Variants in FAM171B observed in about 807,000 individuals in gnomAD.
The protein encoded by FAM171B is protein FAM171B.
In FAM171B, 19 loss-of-function variants were observed where a neutral mutation model predicts 75.6. The ratio of observed to expected loss-of-function variants is 0.25; its 90% CI spans 0.18 to 0.37. The LOEUF (loss-of-function observed/expected upper bound fraction) is 0.37, where lower values mean the gene tolerates loss of function less well. FAM171B is among the 10% of genes least tolerant of loss of function. The pLI is 1.00. For missense variants in FAM171B, 848 were observed against 982.4 expected (o/e 0.86, Z 1.83); for synonymous variants, 367 against 361.7 (o/e 1.01, Z -0.17).
intron 1 of FAM171B, among the ~76,000 whole-genome samples, chr2:186,707,960 G>T (rs1325425534): frequency 2.6e-5 from 4 of 151,806 alleles, no homozygotes; most frequent in Non-Finnish European, 4.4e-5. Flanking sequence ...CTAGGCATCT[G>T]TTCCATATTT....
chr2:186,725,712 C>T (rs993489291), intron 1 of FAM171B, among the ~76,000 whole-genome samples: 6 of 152,200 alleles, frequency 3.9e-5, no homozygotes, highest in Non-Finnish European at 8.8e-5. Context: ...CTTGAGCTTT[C>T]CTCACTGGGC....
At chr2:186,715,983 T>C (rs931034966) in intron 1 of FAM171B, among the ~76,000 whole-genome samples, 1 of 152,202 alleles carries the variant, frequency 6.6e-6, no homozygotes, top group African/African-American at 2.4e-5. Flanking sequence ...AGCTTTTTGC[T>C]CTGTTTGCTT....
chr2:186,710,311 G>A (rs1422385921), intron 1 of FAM171B, among the ~76,000 whole-genome samples: 6 of 152,178 alleles, frequency 3.9e-5, no homozygotes, highest in Admixed American at 2.6e-4. Flanking sequence ...TAGAGACTAA[G>A]CGGGAGATTA....
chr2:186,747,538 G>GA (rs1393339864), intron 4 of FAM171B, among the ~76,000 whole-genome samples: 4 of 151,878 alleles, frequency 2.6e-5, no homozygotes, highest in African/African-American at 7.2e-5. Flanking sequence ...GTAAGGTATA[G>GA]AAAATAGTTA....
chr2:186,718,832 AATGTGTATTGCAC>A (rs1360651974), intron 1 of FAM171B, among the ~76,000 whole-genome samples: 1 of 152,242 alleles, frequency 6.6e-6, no homozygotes, highest in Non-Finnish European at 1.5e-5. Context: ...TTTTGTACGA[AATGTGTATTGCAC>A]ATGTGTTGTG....
chr2:186,743,476 T>C lies in FAM171B; in HGVS notation c.473-7T>C, dbSNP rs1404817266. On this transcript the variant is annotated splice_polypyrimidine_tract_variant and splice_region_variant and intron_variant, in intron 2 of 7. Coordinates refer to ENST00000304698, the MANE Select transcript of FAM171B (RefSeq NM_177454.4). The stretch of plus-strand genomic sequence containing the variant: ...GTAAAATATTCTAATTGTGCTATAT[T>C]TCACAGTATATTCATCAGTTACACT... 6.3e-7 allele frequency: 1 copy of C among 1,588,538 alleles called. No individual in the cohort carries two copies. Among genetic ancestry groups the C allele is most frequent in the Admixed American group, 1.7e-5 (1 of 59,718 alleles).
chr2:186,731,225 A>G lies in FAM171B; in HGVS notation c.239-9003A>G, dbSNP rs1454208707. Among the ~76,000 whole-genome samples, 8 of 152,258 alleles carry G rather than the reference A, an allele frequency of 5.3e-5. No individual in the cohort carries two copies. In the East Asian group the frequency reaches 1.5e-3, roughly 29 times the overall value. On this transcript the variant is annotated intron_variant, in intron 1 of 7. Coordinates refer to ENST00000304698, the MANE Select transcript of FAM171B (RefSeq NM_177454.4). Reference sequence around the variant, plus strand: ...TATTTAATGTGCTTACTTAAGGAGCAAGCAACAGAAACAAACTCTGGCTAC... The same window carrying G: ...TATTTAATGTGCTTACTTAAGGAGCGAGCAACAGAAACAAACTCTGGCTAC...
At chr2:186,738,481 G>A (rs1690237663) in intron 1 of FAM171B, among the ~76,000 whole-genome samples, 1 of 152,012 alleles carries the variant, frequency 6.6e-6, no homozygotes, top group African/African-American at 2.4e-5. Context: ...TAGTCCATGG[G>A]TCTTCTTGGA....
At chr2:186,699,942 G>T (rs1361308329) in intron 1 of FAM171B, among the ~76,000 whole-genome samples, 1 of 152,084 alleles carries the variant, frequency 6.6e-6, no homozygotes, top group Non-Finnish European at 1.5e-5. Context: ...TAGATGAATA[G>T]ATTTATTTTT....
chr2:186,716,781 A>G (rs1318564527), intron 1 of FAM171B, among the ~76,000 whole-genome samples: 1 of 152,162 alleles, frequency 6.6e-6, no homozygotes, highest in Non-Finnish European at 1.5e-5. Flanking sequence ...GCAGTTGTAC[A>G]GTTTGCATTT....
At chr2:186,715,929 G>T (rs888448036) in intron 1 of FAM171B, among the ~76,000 whole-genome samples, 1 of 152,088 alleles carries the variant, frequency 6.6e-6, no homozygotes, top group Non-Finnish European at 1.5e-5. Flanking sequence ...AAGTCGATAT[G>T]TAATGGGTAC....
At chr2:186,699,021 C>T (rs184188853) in intron 1 of FAM171B, among the ~76,000 whole-genome samples, 63 of 152,232 alleles carry the variant, frequency 4.1e-4, no homozygotes, top group African/African-American at 1.3e-3. Context: ...GCTTTATCCA[C>T]TATCTGTTAA....
chr2:186,743,948 C>G (rs1047519919), intron 3 of FAM171B, among the ~76,000 whole-genome samples: 3 of 152,180 alleles, frequency 2.0e-5, no homozygotes, highest in African/African-American at 7.2e-5. Flanking sequence ...CTTCCTGCCT[C>G]CAGCATTAAA....
At chr2:186,743,777 T>C (rs1248591196) in intron 3 of FAM171B, among the ~76,000 whole-genome samples, 1 of 152,218 alleles carries the variant, frequency 6.6e-6, no homozygotes, top group Non-Finnish European at 1.5e-5. Flanking sequence ...GGAGTCATTT[T>C]TTCCTTTACT....
chr2:186,711,688 A>G (rs754318969), intron 1 of FAM171B, among the ~76,000 whole-genome samples: 6 of 152,248 alleles, frequency 3.9e-5, no homozygotes, highest in Non-Finnish European at 8.8e-5. Flanking sequence ...TTGGATTTCC[A>G]TAACTTTAAA....
At chr2:186,720,712 A>G (rs1458382949) in intron 1 of FAM171B, among the ~76,000 whole-genome samples, 10 of 144,744 alleles carry the variant, frequency 6.9e-5, no homozygotes, top group African/African-American at 1.5e-4. Flanking sequence ...AAAAAAAAAA[A>G]AAAAGAAAAG....
At chr2:186,760,258 G>T (rs1690595069) in intron 6 of FAM171B, among the ~76,000 whole-genome samples, 1 of 152,060 alleles carries the variant, frequency 6.6e-6, no homozygotes, top group Non-Finnish European at 1.5e-5. Context: ...CATAGCAGGA[G>T]GATAGTTGGT....
At position 186,703,217 on chromosome 2, in the gene FAM171B, T is replaced by A. The variant is rs949856627; in HGVS notation, c.238+8806T>A. Reference sequence around the variant, plus strand: ...GCCTCAGCCTCCCAAGTAGCTGGGATTACAGGCGTGAGCCACTGTGCCTGG... The same window carrying A: ...GCCTCAGCCTCCCAAGTAGCTGGGAATACAGGCGTGAGCCACTGTGCCTGG... On this transcript the variant is annotated intron_variant, in intron 1 of 7. Coordinates refer to ENST00000304698, the MANE Select transcript of FAM171B (RefSeq NM_177454.4). Among the ~76,000 whole-genome samples, 14 of 152,208 alleles carry A rather than the reference T, an allele frequency of 9.2e-5. No homozygotes were observed. In the South Asian group the frequency reaches 1.5e-3, roughly 16 times the overall value.
At chr2:186,750,373 A>G (rs1303158077) in intron 4 of FAM171B, among the ~76,000 whole-genome samples, 1 of 152,160 alleles carries the variant, frequency 6.6e-6, no homozygotes, top group African/African-American at 2.4e-5. Context: ...TGTATTAGTA[A>G]ATCTTTAAAA....
Sources: gnomAD v4.1 joint callset for allele counts (sites outside exome capture counted in the v4.1 genomes callset) on GRCh38, gnomAD v4.1.1 for gene constraint, MANE v1.5 for transcripts, NCBI Gene and HGNC (gene_info 2026-07-23, HGNC 2026-07-21) for gene names.